Variants in CNTN5 observed in about 807,000 individuals in gnomAD.
CNTN5 encodes contactin-5.
Under a neutral mutation model 129.1 loss-of-function variants are expected in CNTN5, and 77 were observed. The observed-to-expected ratio is 0.60, with a 90% confidence interval of 0.50 to 0.72. The LOEUF is 0.72. Ranked by LOEUF, CNTN5 falls within the 30% of genes least tolerant of loss-of-function variation. The pLI is 0.00. For synonymous variants in CNTN5, 509 were observed against 465.6 expected, an observed-to-expected ratio of 1.09 and a Z score of -1.20; for missense variants, 1,478 against 1,328.8, an observed-to-expected ratio of 1.11 and a Z score of -1.75.
chr11:99,962,806 A>C lies in CNTN5; in HGVS notation c.877+5797A>C, dbSNP rs191194894. On this transcript the variant is annotated intron_variant, in intron 8 of 24. Coordinates refer to ENST00000524871, the MANE Select transcript of CNTN5 (RefSeq NM_014361.4). ...AAAAGTGTTCCTATTTCTCCACATC[A>C]TCTGCAGCACCTGTTGTTTCCTGAC... is the stretch of plus-strand genomic sequence containing the variant. Among the ~76,000 whole-genome samples the C allele has an allele frequency of 8.1e-3, 1,234 of 151,832 alleles. 18 individuals carry two copies. Among genetic ancestry groups the C allele is most frequent in the African/African-American group, 0.027 (1,133 of 41,268 alleles).
chr11:99,819,492 A>T, intron 3 of CNTN5, 52 bp from the exon 4 acceptor site: 1 of 1,487,898 alleles, frequency 6.7e-7, no homozygotes, highest in Non-Finnish European at 9.3e-7. Flanking sequence ...ATAAGAAAAA[A>T]ATAAACTAGT....
intron 3 of CNTN5, among the ~76,000 whole-genome samples, chr11:99,581,077 A>G (rs1355338468): frequency 6.7e-6 from 1 of 148,800 alleles, no homozygotes; most frequent in Non-Finnish European, 1.5e-5. Flanking sequence ...TTCTGCCTTC[A>G]TTTCATTATG....
At chr11:99,041,657 C>T (rs551657136) in intron 1 of CNTN5, among the ~76,000 whole-genome samples, 17 of 152,204 alleles carry the variant, frequency 1.1e-4, no homozygotes, top group Middle Eastern at 3.4e-3. Context: ...AAATTTACTA[C>T]AATAATAAGT....
chr11:99,332,372 GC>G (rs1338250969), intron 2 of CNTN5, among the ~76,000 whole-genome samples: 2 of 151,836 alleles, frequency 1.3e-5, no homozygotes, highest in African/African-American at 4.8e-5. Flanking sequence ...TTGTTCTTCT[GC>G]TTTTATTTTC....
chr11:100,090,578 C>G (rs1944744077), intron 13 of CNTN5, among the ~76,000 whole-genome samples: 1 of 135,594 alleles, frequency 7.4e-6, no homozygotes, highest in South Asian at 2.7e-4. Flanking sequence ...TTCCTTCCCT[C>G]CTTCCTTCTT....
At chr11:99,979,009 C>T (rs1361990952) in intron 8 of CNTN5, among the ~76,000 whole-genome samples, 1 of 152,218 alleles carries the variant, frequency 6.6e-6, no homozygotes, top group African/African-American at 2.4e-5. Flanking sequence ...GACCCACTCT[C>T]TCTAAACTTT....
intron 1 of CNTN5, among the ~76,000 whole-genome samples, chr11:99,137,332 A>C (rs1001020763): frequency 6.6e-6 from 1 of 152,184 alleles, no homozygotes; most frequent in Non-Finnish European, 1.5e-5. Context: ...TATTTCTAGA[A>C]TTACAAAATT....
intron 6 of CNTN5, among the ~76,000 whole-genome samples, chr11:99,912,508 T>C (rs1353829998): frequency 1.3e-5 from 2 of 152,044 alleles, no homozygotes; most frequent in African/African-American, 2.4e-5. Context: ...ATAGTATGCA[T>C]TGAATAAATA....
intron 21 of CNTN5, chr11:100,336,977 C>G: frequency 1.3e-6 from 1 of 746,690 alleles, no homozygotes; most frequent in South Asian, 1.4e-5. Flanking sequence ...AATCAAGAGC[C>G]AGAGCACAGC....
chr11:100,140,627 G>A (rs1221221899), intron 13 of CNTN5, among the ~76,000 whole-genome samples: 1 of 152,150 alleles, frequency 6.6e-6, no homozygotes, highest in African/African-American at 2.4e-5. Flanking sequence ...CTGACCAGAG[G>A]CGTGAAGAGC....
At chr11:100,264,298 C>T (rs1950257808) in intron 17 of CNTN5, among the ~76,000 whole-genome samples, 1 of 152,020 alleles carries the variant, frequency 6.6e-6, no homozygotes, top group South Asian at 2.1e-4. Context: ...TATATGGGTG[C>T]CATGGTGGTT....
intron 2 of CNTN5, among the ~76,000 whole-genome samples, chr11:99,555,555 G>A (rs965566104): frequency 5.9e-5 from 9 of 151,960 alleles, no homozygotes; most frequent in Admixed American, 2.6e-4. Context: ...TTTCCCTTAC[G>A]TTCCAGCCAG....
At chr11:99,520,808 A>C (rs1268672357) in intron 2 of CNTN5, among the ~76,000 whole-genome samples, 1 of 152,142 alleles carries the variant, frequency 6.6e-6, no homozygotes, top group Non-Finnish European at 1.5e-5. Context: ...TATGTACAAC[A>C]TCATAAAAAT....
intron 1 of CNTN5, among the ~76,000 whole-genome samples, chr11:99,181,633 T>C (rs1858073489): frequency 6.6e-6 from 1 of 152,212 alleles, no homozygotes; most frequent in South Asian, 2.1e-4. Flanking sequence ...GCAGACAGGT[T>C]ATTCTCTGTA....
chr11:99,969,918 AT>A (rs770591233), intron 8 of CNTN5, among the ~76,000 whole-genome samples: 2 of 152,224 alleles, frequency 1.3e-5, no homozygotes, highest in South Asian at 4.1e-4. Context: ...ATTTTTAAAT[AT>A]TTTTTTCTTT....
chr11:99,789,771 T>A (rs1371800970), intron 3 of CNTN5, among the ~76,000 whole-genome samples: 5 of 151,960 alleles, frequency 3.3e-5, no homozygotes, highest in Admixed American at 6.6e-5. Context: ...ATGAGAAAAT[T>A]TTTTATTTCA....
At chr11:99,349,704 A>G (rs1308107991) in intron 2 of CNTN5, among the ~76,000 whole-genome samples, 4 of 152,170 alleles carry the variant, frequency 2.6e-5, no homozygotes, top group African/African-American at 9.7e-5. Flanking sequence ...AGGGAGTTAA[A>G]TAAAATTAAC....
intron 13 of CNTN5, among the ~76,000 whole-genome samples, chr11:100,094,765 AAAGG>A (rs57565481): frequency 0.14 from 15,647 of 113,754 alleles, 1,093 homozygotes; most frequent in Admixed American, 0.16. Flanking sequence ...GGGAGGGAGG[AAAGG>A]AAGGAAGGAA....
chr11:99,156,987 AT>A (rs1232303121), intron 1 of CNTN5, among the ~76,000 whole-genome samples: 2 of 152,096 alleles, frequency 1.3e-5, no homozygotes, highest in Non-Finnish European at 2.9e-5. Context: ...GTGAAAAGTT[AT>A]TCTTCACTAC....
Sources: allele counts gnomAD v4.1 joint callset (sites outside exome capture counted in the v4.1 genomes callset), GRCh38; gene constraint gnomAD v4.1.1; transcripts MANE v1.5; gene names NCBI Gene and HGNC (gene_info 2026-07-23, HGNC 2026-07-21).